Variants in ERCC6L2 observed in about 807,000 individuals in gnomAD.
ERCC6L2 encodes the protein ERCC excision repair 6 like 2.
In ERCC6L2, 77 loss-of-function variants were observed where a neutral mutation model predicts 132.0. That is an observed-to-expected ratio of 0.58 (90% CI 0.49 to 0.71). ERCC6L2 has a LOEUF of 0.71. Among genes scored for constraint, ERCC6L2 ranks in the 30% least tolerant of loss-of-function variants. The pLI is 0.00. For missense variants in ERCC6L2, 1,542 were observed against 1,837.6 expected, an observed-to-expected ratio of 0.84 and a Z score of 2.94; for synonymous variants, 583 against 632.4, an observed-to-expected ratio of 0.92 and a Z score of 1.17.
chr9:95,936,081 G>T (rs999342385), intron 11 of ERCC6L2, among the ~76,000 whole-genome samples: 1 of 152,084 alleles, frequency 6.6e-6, no homozygotes, highest in Non-Finnish European at 1.5e-5. Flanking sequence ...TCTGAAAAGG[G>T]CAGTGGTAAT....
At chr9:95,899,333 C>A (rs1828633530) in intron 3 of ERCC6L2, among the ~76,000 whole-genome samples, 1 of 151,804 alleles carries the variant, frequency 6.6e-6, no homozygotes, top group African/African-American at 2.4e-5. Flanking sequence ...TGCCAGTAGT[C>A]CCAGGTACTT....
At chr9:95,977,142 T>C (rs1175270070) in intron 16 of ERCC6L2, among the ~76,000 whole-genome samples, 1 of 152,202 alleles carries the variant, frequency 6.6e-6, no homozygotes, top group Admixed American at 6.5e-5. Context: ...TTTTGAATAA[T>C]GGTAACGTGT....
At chr9:95,990,236 C>T (rs1353322152) in intron 17 of ERCC6L2, among the ~76,000 whole-genome samples, 1 of 152,222 alleles carries the variant, frequency 6.6e-6, no homozygotes. Flanking sequence ...ATTATATTTG[C>T]ACTCAACAGG....
At chr9:95,981,214 C>T (rs1452701975) in intron 17 of ERCC6L2, among the ~76,000 whole-genome samples, 2 of 152,026 alleles carry the variant, frequency 1.3e-5, no homozygotes, top group Non-Finnish European at 2.9e-5. Context: ...AAGTAATAAA[C>T]ACCATAATCC....
chr9:95,931,505 A>G (rs1461812738), intron 11 of ERCC6L2, among the ~76,000 whole-genome samples: 1 of 152,178 alleles, frequency 6.6e-6, no homozygotes, highest in Non-Finnish European at 1.5e-5. Flanking sequence ...TAACTTTTTA[A>G]GCCAGAATAT....
intron 3 of ERCC6L2, among the ~76,000 whole-genome samples, chr9:95,905,711 C>T (rs1008805200): frequency 1.3e-5 from 2 of 152,226 alleles, no homozygotes; most frequent in Non-Finnish European, 2.9e-5. Flanking sequence ...AAGGAACTCT[C>T]ACGTTCAGCA....
In ERCC6L2 at chr9:95,972,710, G is replaced by A. The variant is rs1223757682; in HGVS notation, c.2959G>A (p.Glu987Lys). Residue 987 changes from glutamate (E) to lysine (K), a missense_variant, in exon 16 of 19, where the codon GAA (glutamate) becomes AAA (lysine). Glu to Lys is a moderately conservative substitution (Grantham distance 56). Coordinates refer to ENST00000653738, the MANE Select transcript of ERCC6L2 (RefSeq NM_020207.7). Reference protein sequence around the residue: ...SDISDESDDIEISSKSRVRKR... With the variant: ...SDISDESDDIKISSKSRVRKR... ...TATCAGTGATGAATCTGATGACATT[G>A]AAATTTCTTCCAAGTCAAGAGTAAG... 1 of 1,301,952 alleles carries A rather than the reference G, an allele frequency of 7.7e-7. No homozygotes were observed. Among genetic ancestry groups the A allele is most frequent in the Non-Finnish European group, 1.0e-6 (1 of 988,870 alleles). The allele number at this position is 1,301,952 out of a possible 1,614,324, so 80.6% of individuals were successfully genotyped here.
At chr9:95,953,357 A>G (rs774439520) in intron 12 of ERCC6L2, among the ~76,000 whole-genome samples, 91 of 152,158 alleles carry the variant, frequency 6.0e-4, no homozygotes, top group Non-Finnish European at 1.2e-3. Flanking sequence ...CAGGCGGATC[A>G]TGAGATCAGG....
At chr9:95,944,036 A>G (rs1830934022) in intron 12 of ERCC6L2, among the ~76,000 whole-genome samples, 1 of 152,206 alleles carries the variant, frequency 6.6e-6, no homozygotes, top group Non-Finnish European at 1.5e-5. Context: ...TACCAAAAAG[A>G]ATTGAAAGCA....
intron 8 of ERCC6L2, among the ~76,000 whole-genome samples, chr9:95,922,975 T>C (rs1829940803): frequency 6.6e-6 from 1 of 152,204 alleles, no homozygotes; most frequent in Admixed American, 6.5e-5. Context: ...TATTGTTCTT[T>C]GATAGTACTC....
intron 17 of ERCC6L2, among the ~76,000 whole-genome samples, chr9:95,999,348 G>A (rs1588040408): frequency 6.8e-6 from 1 of 147,930 alleles, no homozygotes; most frequent in Admixed American, 6.8e-5. Context: ...GCGAGAGAGT[G>A]AGACTCTGTC....
chr9:96,003,574 T>C (rs1161901058), intron 17 of ERCC6L2, among the ~76,000 whole-genome samples: 2 of 152,222 alleles, frequency 1.3e-5, no homozygotes, highest in African/African-American at 4.8e-5. Flanking sequence ...CTTTGTTGTT[T>C]AATGCAGGGA....
At chr9:96,039,058 T>C in exon 20 of ERCC6L2, 4 of 396,032 alleles carry the variant, frequency 1.0e-5, no homozygotes, top group South Asian at 5.5e-5. Context: ...ATCATGGTCC[T>C]GGCTGACATC....
Position 95,972,902 on chromosome 9 carries a change from A to G in ERCC6L2, c.3151A>G (p.Ser1051Gly). 1 of 1,305,560 alleles carries G rather than the reference A, an allele frequency of 7.7e-7. No homozygotes were observed. Among genetic ancestry groups the G allele is most frequent in the South Asian group, 1.2e-5 (1 of 80,994 alleles). The allele number at this position is 1,305,560 out of a possible 1,614,324, so 80.9% of individuals were successfully genotyped here. ...YSSSDESLSV[S>G]HFSFSKQSHR... Reference sequence around the variant, plus strand: ...ATCCTCAGATGAGAGTTTATCCGTCAGCCACTTCAGTTTCTCTAAACAGAG... The same window carrying G: ...ATCCTCAGATGAGAGTTTATCCGTCGGCCACTTCAGTTTCTCTAAACAGAG... The change falls in exon 16 of 19, where the codon AGC (serine) becomes GGC (glycine). Residue 1051 changes from serine to glycine, a missense_variant. Around this residue, in one of 4 missense-constraint regions of ERCC6L2, gnomAD observed 945 missense variants for 1,105.2 expected, o/e 0.86. Transcript: ENST00000653738.
At chr9:96,011,356 G>A (rs925861840) in intron 18 of ERCC6L2, among the ~76,000 whole-genome samples, 4 of 152,196 alleles carry the variant, frequency 2.6e-5, no homozygotes, top group African/African-American at 4.8e-5. Context: ...GGTCCCACCC[G>A]TATGACTTCA....
Position 96,015,810 on chromosome 9 carries a change from G to C in ERCC6L2, c.*2607G>C, listed in dbSNP as rs965848551. Among the ~76,000 whole-genome samples, 29 of 152,092 alleles carry C rather than the reference G, an allele frequency of 1.9e-4. No individual in the cohort carries two copies. Among genetic ancestry groups the C allele is most frequent in the Non-Finnish European group, 2.8e-4 (19 of 68,028 alleles). On this transcript the variant is annotated 3_prime_UTR_variant, in exon 19 of 19. Transcript: ENST00000653738. ...AGAGCAAGACTCCATCTCAAAAAAG[G>C]AAACTTTTATCAATAGTAGTCAAAA...
At chr9:95,945,247 T>G (rs1831003400) in intron 12 of ERCC6L2, among the ~76,000 whole-genome samples, 1 of 152,200 alleles carries the variant, frequency 6.6e-6, no homozygotes, top group African/African-American at 2.4e-5. Flanking sequence ...TCAGCGATAT[T>G]TCTCCCATTT....
intron 1 of ERCC6L2, 31 bp downstream of exon 1, chr9:95,876,115 A>C: frequency 6.5e-7 from 1 of 1,547,804 alleles, no homozygotes; most frequent in Non-Finnish European, 8.7e-7. Context: ...CCTTACGCAG[A>C]GGCCTGTGTA....
In ERCC6L2 at chr9:95,876,140, A is replaced by C. The variant is rs1827252383; in HGVS notation, c.46+56A>C. On this transcript the variant is annotated intron_variant, in intron 1 of 18. Coordinates refer to ENST00000653738, the MANE Select transcript of ERCC6L2 (RefSeq NM_020207.7). ...AGGCCTGTGTACTGCGTCGCGTTGG[A>C]CCAGTTCTTGCCGGTGCCCTTCGGG... 2.7e-6 allele frequency: 4 copies of C among 1,498,342 alleles called. No homozygotes were observed. In the Admixed American group the frequency reaches 8.0e-5, roughly 30 times the overall value. The allele number at this position is 1,498,342 out of a possible 1,614,324, so 92.8% of individuals were successfully genotyped here.
Sources: gnomAD v4.1 joint callset for allele counts (sites outside exome capture counted in the v4.1 genomes callset) on GRCh38, gnomAD v4.1.1 for gene constraint, gnomAD v4.1.1 regional missense constraint, MANE v1.5 for transcripts, NCBI Gene and HGNC (gene_info 2026-07-23, HGNC 2026-07-21) for gene names.